The following CEP170 variants were observed in gnomAD, a reference collection of about 807,000 sequenced individuals.
CEP170 encodes the protein centrosomal protein 170, also known as centrosomal protein of 170 kDa.
Under a neutral mutation model 151.9 loss-of-function variants are expected in CEP170, and 21 were observed. That is an observed-to-expected ratio of 0.14 (90% CI 0.10 to 0.20). The LOEUF (loss-of-function observed/expected upper bound fraction) is 0.20, where lower values mean the gene tolerates loss of function less well. Among genes scored for constraint, CEP170 ranks in the 10% least tolerant of loss-of-function variants. CEP170 has a pLI of 1.00. For missense variants in CEP170, 964 were observed against 1,892.9 expected (o/e 0.51, Z 9.11); for synonymous variants, 356 against 648.8 (o/e 0.55, Z 6.86).
At chr1:243,232,346 C>G (rs910299313) in intron 1 of CEP170, among the ~76,000 whole-genome samples, 2 of 152,110 alleles carry the variant, frequency 1.3e-5, no homozygotes, top group Admixed American at 1.3e-4. Context: ...TCTCTATCTT[C>G]TGTGCTTATC....
chr1:243,192,099 G>C (rs1403455214), intron 7 of CEP170, among the ~76,000 whole-genome samples: 1 of 152,150 alleles, frequency 6.6e-6, no homozygotes, highest in Non-Finnish European at 1.5e-5. Context: ...TGCGATCCTT[G>C]CAAGAAGATA....
intron 4 of CEP170, among the ~76,000 whole-genome samples, chr1:243,206,222 C>A (rs965837902): frequency 1.6e-4 from 24 of 152,186 alleles, no homozygotes; most frequent in Non-Finnish European, 2.8e-4. Flanking sequence ...CAACCTCCGC[C>A]TTCTGGGTTC....
intron 3 of CEP170, among the ~76,000 whole-genome samples, chr1:243,219,021 A>C (rs570529739): frequency 2.6e-5 from 4 of 152,230 alleles, no homozygotes; most frequent in Non-Finnish European, 5.9e-5. Flanking sequence ...ATAATAGTCT[A>C]CAAGTTCTCT....
chr1:243,216,713 A>G (rs1333679514), intron 3 of CEP170, among the ~76,000 whole-genome samples: 3 of 152,234 alleles, frequency 2.0e-5, no homozygotes, highest in Admixed American at 6.5e-5. Flanking sequence ...GAATACCATT[A>G]AGACTCTAGA....
chr1:243,235,084 T>A (rs1360872372), intron 1 of CEP170, among the ~76,000 whole-genome samples: 1 of 152,138 alleles, frequency 6.6e-6, no homozygotes, highest in Non-Finnish European at 1.5e-5. Context: ...TCACAAGTAG[T>A]AAGCACTATA....
chr1:243,129,706 T>C (rs1572113811), intron 17 of CEP170, among the ~76,000 whole-genome samples: 3 of 152,100 alleles, frequency 2.0e-5, no homozygotes, highest in Non-Finnish European at 4.4e-5. Context: ...AAACAAAATA[T>C]AAAACAAATG....
chr1:243,217,569 C>T (rs2062415327), intron 3 of CEP170, among the ~76,000 whole-genome samples: 1 of 152,054 alleles, frequency 6.6e-6, no homozygotes, highest in Admixed American at 6.5e-5. Context: ...TCCCTAAAGT[C>T]TAAAAAGGCT....
At chr1:243,248,049 A>G (rs1347653297) in intron 1 of CEP170, among the ~76,000 whole-genome samples, 2 of 152,380 alleles carry the variant, frequency 1.3e-5, no homozygotes, top group East Asian at 3.9e-4. Context: ...CGTAGGAAAC[A>G]GCATTGGCCT....
rs1314669241 is a variant in CEP170, at chr1:243,185,092, C to T, written c.1566+687G>A. Among the ~76,000 whole-genome samples, 5 of 152,166 alleles carry T rather than the reference C, an allele frequency of 3.3e-5. No homozygotes were observed. Among genetic ancestry groups the T allele is most frequent in the South Asian group, 2.1e-4 (1 of 4,836 alleles). On this transcript the variant is annotated intron_variant, in intron 10 of 19. Coordinates refer to ENST00000366542, the MANE Select transcript of CEP170 (RefSeq NM_014812.3). This position sits in a 1 kb window ranked among gnomAD's most constrained non-coding sequence, Gnocchi z 4.9. The stretch of plus-strand genomic sequence containing the variant: ...AGCTGATTCTAAAGTCAACCTTTCA[C>T]GACCATTGGCAAAACTGAGAAAAAT...
intron 6 of CEP170, 107 bp from the exon 7 acceptor site, chr1:243,199,301 G>C: frequency 8.4e-7 from 1 of 1,190,452 alleles, no homozygotes; most frequent in Non-Finnish European, 1.2e-6. Context: ...AAAAAGCAAA[G>C]TATAGTCTTG....
intron 10 of CEP170, among the ~76,000 whole-genome samples, chr1:243,173,532 T>G (rs1360603609): frequency 6.6e-6 from 1 of 151,504 alleles, no homozygotes; most frequent in Non-Finnish European, 1.5e-5. Flanking sequence ...GGTCAGGAGT[T>G]CCGGACCAGC....
chr1:243,142,182 C>G, intron 15 of CEP170, 134 bp downstream of exon 15: 1 of 1,536,134 alleles, frequency 6.5e-7, no homozygotes, highest in African/African-American at 1.4e-5. Context: ...ACTGTTAAAG[C>G]AAAGTTGGAA....
Position 243,165,027 on chromosome 1 carries a change from T to G in CEP170, c.2933A>C (p.Lys978Thr). Reference sequence around the variant, plus strand: ...TTCCCTAGCACCTGAAGATGATGATTTTGTAACATCTTTGGAAGGAGAACC... The same window carrying G: ...TTCCCTAGCACCTGAAGATGATGATGTTGTAACATCTTTGGAAGGAGAACC... The part of the protein sequence containing the change: ...STGSPSKDVT[K>T]SSSSGAREKM... Residue 978 changes from lysine (K) to threonine (T), a missense_variant, in exon 13 of 20, where the codon AAA becomes ACA. Coordinates refer to ENST00000366542, the MANE Select transcript of CEP170 (RefSeq NM_014812.3). 1 of 1,612,860 alleles carries G rather than the reference T, an allele frequency of 6.2e-7. No individual in the cohort carries two copies. Among genetic ancestry groups the G allele is most frequent in the East Asian group, 2.2e-5 (1 of 44,842 alleles).
intron 1 of CEP170, among the ~76,000 whole-genome samples, chr1:243,250,142 T>C (rs916082106): frequency 3.9e-5 from 6 of 152,212 alleles, no homozygotes; most frequent in African/African-American, 1.4e-4. Flanking sequence ...CCGAATGGTT[T>C]TCATTATTTT....
intron 4 of CEP170, among the ~76,000 whole-genome samples, chr1:243,206,835 T>C (rs564696631): frequency 2.6e-5 from 4 of 152,312 alleles, no homozygotes; most frequent in Admixed American, 1.3e-4. Flanking sequence ...TTGTACAATA[T>C]GTAAAGTGGT....
chr1:243,137,478 T>C (rs2055233939), intron 16 of CEP170, among the ~76,000 whole-genome samples: 1 of 152,170 alleles, frequency 6.6e-6, no homozygotes, highest in Admixed American at 6.5e-5. Flanking sequence ...GACTCAGTGC[T>C]GCAAGAATTC....
intron 17 of CEP170, chr1:243,135,933 T>C (rs536269238): frequency 3.6e-5 from 17 of 469,422 alleles, no homozygotes; most frequent in African/African-American, 3.5e-4. Flanking sequence ...CATGGATTTC[T>C]GAAGTACTGT....
rs1390487618 is a variant in CEP170 at position 243,165,779 on chromosome 1, A to G, written c.2181T>C (p.Pro727=). Residue 727 remains proline, a synonymous_variant, in exon 13 of 20, where the codon CCT becomes CCC. Coordinates refer to ENST00000366542, the MANE Select transcript of CEP170 (RefSeq NM_014812.3). The part of the protein sequence containing the change: ...KTLLHLGSSA[P]GKEKSETDKE... ...TATCAGTTTCACTTTTCTCTTTTCC[A>G]GGAGCAGAGCTGCCTAAGTGAAGTA... 1.9e-6 allele frequency: 3 copies of G among 1,613,900 alleles called. No individual in the cohort carries two copies. The highest frequency in any genetic ancestry group is 2.7e-5 in the African/African-American group (2 of 74,932).
intron 8 of CEP170, among the ~76,000 whole-genome samples, chr1:243,187,598 C>T (rs2060015084): frequency 6.6e-6 from 1 of 151,978 alleles, no homozygotes; most frequent in African/African-American, 2.4e-5. Context: ...ATGTGAACAC[C>T]CACTGAATAA....
Sources: gnomAD v4.1 joint callset for allele counts (sites outside exome capture counted in the v4.1 genomes callset) on GRCh38, gnomAD v4.1.1 for gene constraint, Gnocchi (gnomAD v3.1) non-coding constraint, MANE v1.5 for transcripts, NCBI Gene and HGNC (gene_info 2026-07-23, HGNC 2026-07-21) for gene names.